The following SLMAP variants were observed in gnomAD, a reference collection of about 807,000 sequenced individuals.
SLMAP encodes sarcolemmal membrane-associated protein.
SLMAP carries 44 observed loss-of-function variants against 128.8 expected under a neutral mutation model. The ratio of observed to expected loss-of-function variants is 0.34; its 90% CI spans 0.27 to 0.44. SLMAP has a LOEUF of 0.44. Ranked by LOEUF, SLMAP falls within the 20% of genes least tolerant of loss-of-function variation. The pLI, the probability that SLMAP is intolerant of heterozygous loss-of-function variation, is 1.00. For synonymous variants in SLMAP, 327 were observed against 348.8 expected, an observed-to-expected ratio of 0.94 and a Z score of 0.70; for missense variants, 787 against 985.3, an observed-to-expected ratio of 0.80 and a Z score of 2.69.
chr3:57,895,123 TA>T lies in SLMAP; in HGVS notation c.1361-1376del, dbSNP rs1277413391. ...CTAGGCAACATAGTGACACCCCCTC[TA>T]AAAAAAAAAAAGAAAGGAATTCCAT... On this transcript the variant is annotated intron_variant, in intron 15 of 24. Coordinates refer to ENST00000671191, the MANE Select transcript of SLMAP (RefSeq NM_001377540.1). Among the ~76,000 whole-genome samples the T allele has an allele frequency of 2.9e-3, 408 of 138,466 alleles. 2 individuals carry two copies. Among genetic ancestry groups the T allele is most frequent in the African/African-American group, 4.8e-3 (181 of 37,896 alleles). The allele number at this position is 138,466 out of a possible 152,430, so 90.8% of individuals were successfully genotyped here.
At chr3:57,844,876 G>A (rs772653065) in intron 4 of SLMAP, among the ~76,000 whole-genome samples, 5 of 151,814 alleles carry the variant, frequency 3.3e-5, no homozygotes, top group Non-Finnish European at 7.4e-5. Flanking sequence ...CACTACACCC[G>A]GCTGGTTTTT....
intron 2 of SLMAP, among the ~76,000 whole-genome samples, chr3:57,813,620 TAAC>T (rs1317502892): frequency 3.3e-5 from 5 of 152,184 alleles, no homozygotes; most frequent in Non-Finnish European, 5.9e-5. Context: ...CAATACATCA[TAAC>T]AACTATTTAA....
intron 2 of SLMAP, among the ~76,000 whole-genome samples, chr3:57,814,460 G>T (rs937949281): frequency 6.6e-6 from 1 of 152,102 alleles, no homozygotes; most frequent in Admixed American, 6.5e-5. Context: ...TTATTCTGTG[G>T]CTTGACTGGG....
At chr3:57,843,305 C>CTTTTTTTTTTTTGTTTT (rs2094036846) in intron 4 of SLMAP, among the ~76,000 whole-genome samples, 1 of 92,112 alleles carries the variant, frequency 1.1e-5, no homozygotes, top group African/African-American at 4.5e-5. Flanking sequence ...CTTTCTTTTC[C>CTTTTTTTTTTTTGTTTT]TTTTTTTTTT....
rs35138483 is a variant in SLMAP at position 57,786,731 on chromosome 3, A to ATT, written c.198+28901_198+28902dup. Among the ~76,000 whole-genome samples the ATT allele has an allele frequency of 1.2e-3, 110 of 88,742 alleles. 2 individuals carry two copies. Among genetic ancestry groups the ATT allele is most frequent in the African/African-American group, 4.1e-3 (88 of 21,460 alleles). 58.2% of individuals were successfully genotyped at this position (88,742 alleles called of 152,430 possible). On this transcript the variant is annotated intron_variant, in intron 2 of 24. Coordinates refer to ENST00000671191, the MANE Select transcript of SLMAP (RefSeq NM_001377540.1). The stretch of plus-strand genomic sequence containing the variant: ...ACCACCTTTCCCAGCTAGTCTTTGT[A>ATT]TTTTTTTTTTTTTTTTTTTTGAGTT...
chr3:57,893,533 A>AC (rs2096153117), intron 15 of SLMAP, among the ~76,000 whole-genome samples: 1 of 152,188 alleles, frequency 6.6e-6, no homozygotes, highest in Non-Finnish European at 1.5e-5. Flanking sequence ...CTTTAAGGCA[A>AC]CTTTACCTTC....
intron 13 of SLMAP, among the ~76,000 whole-genome samples, 190 bp downstream of exon 13, chr3:57,865,482 A>G (rs1308516992): frequency 6.6e-6 from 1 of 152,136 alleles, no homozygotes; most frequent in Non-Finnish European, 1.5e-5. Flanking sequence ...ATTCTTAGAT[A>G]TCCCTTGTTA....
At chr3:57,810,962 G>T (rs2090859503) in intron 2 of SLMAP, among the ~76,000 whole-genome samples, 1 of 151,934 alleles carries the variant, frequency 6.6e-6, no homozygotes, top group Admixed American at 6.6e-5. Context: ...CTGTCTCTTG[G>T]CTTTAAATTC....
intron 14 of SLMAP, among the ~76,000 whole-genome samples, chr3:57,888,927 C>T (rs750364987): frequency 1.3e-5 from 2 of 151,114 alleles, no homozygotes; most frequent in Non-Finnish European, 2.9e-5. Context: ...GATGGAATCT[C>T]GCTCTGTCAT....
chr3:57,756,403 A>G (rs1299484645), intron 1 of SLMAP, 61 bp downstream of exon 1: 1 of 152,670 alleles, frequency 6.6e-6, no homozygotes. Context: ...CCTGGCTCCA[A>G]ATCCTCGTAG....
intron 2 of SLMAP, among the ~76,000 whole-genome samples, chr3:57,794,731 G>A (rs1019885628): frequency 6.6e-6 from 1 of 152,136 alleles, no homozygotes; most frequent in Non-Finnish European, 1.5e-5. Context: ...GCATTTTCAA[G>A]CTTCATCTAA....
At chr3:57,857,014 G>T (rs1459940573) in intron 6 of SLMAP, among the ~76,000 whole-genome samples, 3 of 152,092 alleles carry the variant, frequency 2.0e-5, no homozygotes, top group Non-Finnish European at 4.4e-5. Flanking sequence ...ATGTGTGTAT[G>T]CATAGATATA....
chr3:57,846,635 C>T (rs1055935621), intron 4 of SLMAP, among the ~76,000 whole-genome samples: 1 of 150,110 alleles, frequency 6.7e-6, no homozygotes, highest in African/African-American at 2.5e-5. Flanking sequence ...TGGCTCACTG[C>T]AACCTCCACC....
chr3:57,860,428 A>G (rs935325607), intron 8 of SLMAP, among the ~76,000 whole-genome samples: 2 of 152,328 alleles, frequency 1.3e-5, no homozygotes, highest in Non-Finnish European at 1.5e-5. Context: ...TGACAAATAT[A>G]AAAGTAACTA....
At chr3:57,865,872 T>A (rs535139546) in intron 13 of SLMAP, among the ~76,000 whole-genome samples, 2 of 152,224 alleles carry the variant, frequency 1.3e-5, no homozygotes, top group South Asian at 4.1e-4. Flanking sequence ...CTACACGGGG[T>A]ACTTTTTACC....
At chr3:57,897,100 A>G (rs1253788222) in intron 17 of SLMAP, 168 bp downstream of exon 17, 24 of 1,377,894 alleles carry the variant, frequency 1.7e-5, no homozygotes, top group East Asian at 2.7e-5. Flanking sequence ...TTTATACCCA[A>G]TATTTCAAAC....
rs531528728 is a variant in SLMAP, at chr3:57,914,052, A to G, written c.2138+777A>G. ...AGGGTTGTATGAAGGGTAATAATAT[A>G]TAAGACCAATAATTCTCTGAAACCA... On this transcript the variant is annotated intron_variant, in intron 21 of 24. Coordinates refer to ENST00000671191, the MANE Select transcript of SLMAP (RefSeq NM_001377540.1). Among the ~76,000 whole-genome samples, 3 of 152,328 alleles carry G rather than the reference A, an allele frequency of 2.0e-5. No homozygotes were observed. In the South Asian group the frequency reaches 6.2e-4, roughly 32 times the overall value.
intron 12 of SLMAP, 78 bp downstream of exon 12, chr3:57,864,935 C>T: frequency 1.8e-6 from 2 of 1,128,104 alleles, no homozygotes; most frequent in Non-Finnish European, 2.5e-6. Context: ...TCTCACACTG[C>T]ATTTTTTAAG....
chr3:57,822,229 A>T (rs1004639387), intron 2 of SLMAP, among the ~76,000 whole-genome samples: 1 of 152,178 alleles, frequency 6.6e-6, no homozygotes, highest in Non-Finnish European at 1.5e-5. Context: ...AAGTCTTTAT[A>T]CATGAAATGG....
Sources: gnomAD v4.1 joint callset for allele counts (sites outside exome capture counted in the v4.1 genomes callset) on GRCh38, gnomAD v4.1.1 for gene constraint, MANE v1.5 for transcripts, NCBI Gene and HGNC (gene_info 2026-07-23, HGNC 2026-07-21) for gene names.